The following NIPBL variants were observed in gnomAD, a reference collection of about 807,000 sequenced individuals.
NIPBL encodes the protein NIPBL cohesin loading factor, also known as nipped-B-like protein.
In NIPBL, 19 loss-of-function variants were observed where a neutral mutation model predicts 321.8. That is an observed-to-expected ratio of 0.06 (90% CI 0.04 to 0.09). The LOEUF is 0.09. Ranked by LOEUF, NIPBL falls within the 10% of genes least tolerant of loss-of-function variation. The probability of loss-of-function intolerance (pLI) is 1.00; values close to 1 mark genes in which losing one functional copy is unlikely to be tolerated. For missense variants in NIPBL, 2,210 were observed against 3,327.0 expected, an observed-to-expected ratio of 0.66 and a Z score of 8.26; for synonymous variants, 1,106 against 1,114.1, an observed-to-expected ratio of 0.99 and a Z score of 0.14.
chr5:37,040,425 CAG>C, intron 34 of NIPBL, among the ~76,000 whole-genome samples: 1 of 152,056 alleles, frequency 6.6e-6, no homozygotes, highest in African/African-American at 2.4e-5. Context: ...GTTGTGGACA[CAG>C]AGGTATATAT....
chr5:36,910,032 C>T (rs1338460331), intron 1 of NIPBL, among the ~76,000 whole-genome samples: 2 of 150,414 alleles, frequency 1.3e-5, no homozygotes, highest in African/African-American at 2.5e-5. Context: ...GCGGAGATCA[C>T]GCCACTGCAT....
rs565931978 is a variant in NIPBL, at chr5:36,989,772, G to A, written c.3121+3471G>A. Among the ~76,000 whole-genome samples the A allele has an allele frequency of 5.4e-5, 8 of 148,778 alleles. No homozygotes were observed. In the South Asian group the frequency reaches 1.7e-3, roughly 32 times the overall value. ...GAGAATCGCTTGAACCCAGGAGGAG[G>A]AGATTACAGTGAGCTGAGATTGTGC... On this transcript the variant is annotated intron_variant, in intron 10 of 46. Transcript: ENST00000282516.
intron 1 of NIPBL, among the ~76,000 whole-genome samples, chr5:36,895,063 T>C (rs1035000541): frequency 6.6e-6 from 1 of 152,192 alleles, no homozygotes; most frequent in South Asian, 2.1e-4. Flanking sequence ...TTTTAGTATA[T>C]TCACAAAGTT....
At chr5:36,882,405 GAA>G (rs1389622162) in intron 1 of NIPBL, among the ~76,000 whole-genome samples, 2 of 151,926 alleles carry the variant, frequency 1.3e-5, no homozygotes, top group African/African-American at 4.8e-5. Flanking sequence ...ATATGAAATT[GAA>G]GTTAGTTGTA....
intron 21 of NIPBL, 92 bp from the exon 22 acceptor site, chr5:37,014,591 A>G: frequency 1.3e-6 from 1 of 777,042 alleles, no homozygotes; most frequent in Non-Finnish European, 2.2e-6. Flanking sequence ...GTATTTAAAT[A>G]TATTACCCCT....
Position 36,877,054 on chromosome 5 carries a change from C to T in NIPBL, c.-204C>T, listed in dbSNP as rs990291189. 1 of 360,492 alleles carries T rather than the reference C, an allele frequency of 2.8e-6. No homozygotes were observed. Among genetic ancestry groups the T allele is most frequent in the Admixed American group, 4.7e-5 (1 of 21,434 alleles). The allele number at this position is 360,492 out of a possible 1,614,324, so 22.3% of individuals were successfully genotyped here. On this transcript the variant is annotated 5_prime_UTR_variant, in exon 1 of 47. Coordinates refer to ENST00000282516, the MANE Select transcript of NIPBL (RefSeq NM_133433.4). ...CTTCTCGGCTGGTCTCCCCCCGGCT[C>T]TACATGTTCCCCGCACTGAGGAGAC...
intron 32 of NIPBL, among the ~76,000 whole-genome samples, chr5:37,028,758 A>C (rs1750614547): frequency 6.6e-6 from 1 of 152,230 alleles, no homozygotes; most frequent in African/African-American, 2.4e-5. Flanking sequence ...CAAAATAATA[A>C]TGCATTATTC....
chr5:36,931,423 T>A (rs1428148391), intron 1 of NIPBL, among the ~76,000 whole-genome samples: 1 of 152,066 alleles, frequency 6.6e-6, no homozygotes, highest in Non-Finnish European at 1.5e-5. Flanking sequence ...GCTCAAGTGA[T>A]CTTCCCACCT....
chr5:36,984,821 G>C lies in NIPBL; in HGVS notation c.1641G>C (p.Gln547His). 1 of 1,613,880 alleles carries C rather than the reference G, an allele frequency of 6.2e-7. No homozygotes were observed. Among genetic ancestry groups the C allele is most frequent in the Non-Finnish European group, 8.5e-7 (1 of 1,179,872 alleles). ...TAATGGTTAGCATTGATCTTCATCAGGCAGGAAGAGTGGACTCTCAGGCTT... is the reference window on the plus strand; with the variant it reads ...TAATGGTTAGCATTGATCTTCATCACGCAGGAAGAGTGGACTCTCAGGCTT... The part of the protein sequence containing the change: ...PALMVSIDLH[Q>H]AGRVDSQASI... The change falls in exon 10 of 47, where the codon CAG (glutamine) becomes CAC (histidine). Residue 547 changes from glutamine to histidine, a missense_variant. Physicochemically the swap from Gln to His is conservative, Grantham distance 24. Transcript: ENST00000282516.
chr5:36,886,326 G>A (rs1745902975), intron 1 of NIPBL: 2 of 690,154 alleles, frequency 2.9e-6, no homozygotes, highest in African/African-American at 1.7e-5. Flanking sequence ...TCAAGCTGGA[G>A]GCTGAGAGCG....
chr5:37,048,240 C>T (rs537761394), intron 38 of NIPBL, among the ~76,000 whole-genome samples: 1 of 152,244 alleles, frequency 6.6e-6, no homozygotes, highest in African/African-American at 2.4e-5. Flanking sequence ...ACTCCCCTAG[C>T]CACTAGGCCC....
intron 1 of NIPBL, among the ~76,000 whole-genome samples, chr5:36,938,184 G>T (rs1357960698): frequency 1.3e-5 from 2 of 152,142 alleles, no homozygotes; most frequent in African/African-American, 2.4e-5. Flanking sequence ...TGCCTCTATT[G>T]TCTCCAAAAG....
At chr5:36,961,812 A>C (rs1376239052) in intron 5 of NIPBL, among the ~76,000 whole-genome samples, 1 of 152,226 alleles carries the variant, frequency 6.6e-6, no homozygotes, top group African/African-American at 2.4e-5. Flanking sequence ...ACAGACAAAA[A>C]ATGTTAAAAT....
At chr5:36,930,435 C>T in intron 1 of NIPBL, among the ~76,000 whole-genome samples, 1 of 151,510 alleles carries the variant, frequency 6.6e-6, no homozygotes, top group African/African-American at 2.4e-5. Flanking sequence ...TTTTTTGATT[C>T]TAGTTGTTCG....
At chr5:37,006,004 A>G (rs1339079383) in intron 16 of NIPBL, among the ~76,000 whole-genome samples, 2 of 152,158 alleles carry the variant, frequency 1.3e-5, no homozygotes, top group Non-Finnish European at 2.9e-5. Flanking sequence ...AAAGTCTTTA[A>G]ACTATCATAA....
intron 42 of NIPBL, 126 bp from the exon 43 acceptor site, chr5:37,057,060 G>C (rs1460440750): frequency 1.2e-6 from 1 of 868,640 alleles, no homozygotes; most frequent in African/African-American, 1.7e-5. Context: ...CTCTCCGTGT[G>C]TGTCTGCTTA....
chr5:36,918,334 T>C lies in NIPBL; in HGVS notation c.-79-35284T>C, dbSNP rs1748639922. On this transcript the variant is annotated intron_variant, in intron 1 of 46. Transcript: ENST00000282516. ...GATTTGGCTCTCTGTTTGTCTGTTA[T>C]TGGTGTTTAAGAATGCTTGTGATTT... Among the ~76,000 whole-genome samples, 3 of 152,126 alleles carry C rather than the reference T, an allele frequency of 2.0e-5. No homozygotes were observed. The South Asian group carries it at 6.2e-4, about 31-fold the overall frequency.
At chr5:36,883,614 G>A (rs1460992740) in intron 1 of NIPBL, among the ~76,000 whole-genome samples, 1 of 151,842 alleles carries the variant, frequency 6.6e-6, no homozygotes, top group Non-Finnish European at 1.5e-5. Context: ...TGATATTTAT[G>A]ATATTTAATT....
Position 36,996,188 on chromosome 5 carries a change from A to G in NIPBL, c.3304+384A>G, listed in dbSNP as rs1440961832. 6.6e-6 allele frequency among the ~76,000 whole-genome samples: 1 copy of G among 152,208 alleles called. No homozygotes were observed. The highest frequency in any genetic ancestry group is 1.5e-5 in the Non-Finnish European group (1 of 68,036). ...AATAAATAATTGCAGTATGCTGATA[A>G]AAGTACAATGATAACAGTAAATCCA... is the stretch of plus-strand genomic sequence containing the variant. On this transcript the variant is annotated intron_variant, in intron 11 of 46. Transcript: ENST00000282516. This position sits in a 1 kb window ranked among gnomAD's most constrained non-coding sequence, Gnocchi z 5.0.
Sources: gnomAD v4.1 joint callset for allele counts (sites outside exome capture counted in the v4.1 genomes callset) on GRCh38, gnomAD v4.1.1 for gene constraint, Gnocchi (gnomAD v3.1) non-coding constraint, MANE v1.5 for transcripts, NCBI Gene and HGNC (gene_info 2026-07-23, HGNC 2026-07-21) for gene names.